PXYLP1: variants seen among roughly 807,000 people sequenced by gnomAD.
PXYLP1 encodes the protein acid phosphatase-like 2.
Under a neutral mutation model 37.9 loss-of-function variants are expected in PXYLP1, and 17 were observed. The ratio of observed to expected loss-of-function variants is 0.45; its 90% CI spans 0.31 to 0.67. The LOEUF is 0.67. Among genes scored for constraint, PXYLP1 ranks in the 30% least tolerant of loss-of-function variants. The pLI, the probability that PXYLP1 is intolerant of heterozygous loss-of-function variation, is 0.07. For missense variants in PXYLP1, 511 were observed against 612.0 expected (o/e 0.84, Z 1.74); for synonymous variants, 221 against 232.2 (o/e 0.95, Z 0.44).
chr3:141,288,376 G>T (rs1942124778), intron 5 of PXYLP1, among the ~76,000 whole-genome samples: 1 of 152,174 alleles, frequency 6.6e-6, no homozygotes, highest in African/African-American at 2.4e-5. Context: ...CTTAGGTTTT[G>T]CCATTATTAT....
chr3:141,277,579 G>A (rs1352020956), intron 2 of PXYLP1, among the ~76,000 whole-genome samples: 3 of 152,208 alleles, frequency 2.0e-5, no homozygotes, highest in African/African-American at 7.2e-5. Context: ...AGGAAAGGGA[G>A]TCCAGTTGCC....
At chr3:141,235,216 C>G (rs1355182405) in intron 1 of PXYLP1, 2 of 152,178 alleles carry the variant, frequency 1.3e-5, no homozygotes, top group East Asian at 3.8e-4. Context: ...TTTGCTGGGC[C>G]CATCATTCTG....
chr3:141,286,782 T>A (rs1942084172), intron 4 of PXYLP1, among the ~76,000 whole-genome samples: 1 of 152,168 alleles, frequency 6.6e-6, no homozygotes, highest in Non-Finnish European at 1.5e-5. Flanking sequence ...AGGGGCATGC[T>A]TAATCAGCAA....
chr3:141,240,325 C>T (rs1022594865), intron 1 of PXYLP1, among the ~76,000 whole-genome samples: 1 of 152,182 alleles, frequency 6.6e-6, no homozygotes, highest in African/African-American at 2.4e-5. Context: ...ATATGGTAGG[C>T]ATTCACTTTT....
chr3:141,233,463 CAAAAAAAA>C (rs5853024), intron 1 of PXYLP1, among the ~76,000 whole-genome samples: 62 of 79,392 alleles, frequency 7.8e-4, no homozygotes, highest in African/African-American at 2.8e-3. Context: ...AAAACCCTGT[CAAAAAAAA>C]AAAAAAAAAA....
intron 2 of PXYLP1, among the ~76,000 whole-genome samples, chr3:141,268,200 AGAGAGAGT>A (rs1239638097): frequency 9.5e-3 from 310 of 32,786 alleles, no homozygotes; most frequent in South Asian, 0.091. Context: ...AGAGAGAGAG[AGAGAGAGT>A]GTGTGTGTGT....
chr3:141,294,591 C>T lies in PXYLP1; in HGVS notation c.*1386C>T, dbSNP rs1418671136. 6.6e-6 allele frequency: 1 copy of T among 152,148 alleles called. No homozygotes were observed. Among genetic ancestry groups the T allele is most frequent in the African/African-American group, 2.4e-5 (1 of 41,442 alleles). 9.4% of individuals were successfully genotyped at this position (152,148 alleles called of 1,614,324 possible). A position where few individuals can be genotyped will look rare whatever the true frequency, so the allele number is the denominator to read the frequency against. ...TTCTCTTTGTTTTTGTCCAGTGTTGCATTTGAATATGTCTGTTTCTATAAA... is the reference window on the plus strand; with the variant it reads ...TTCTCTTTGTTTTTGTCCAGTGTTGTATTTGAATATGTCTGTTTCTATAAA... On this transcript the variant is annotated 3_prime_UTR_variant, in exon 6 of 6. Coordinates refer to ENST00000286353, the MANE Select transcript of PXYLP1 (RefSeq NM_001037172.3).
At chr3:141,252,396 A>G (rs555405536) in intron 1 of PXYLP1, among the ~76,000 whole-genome samples, 3 of 152,178 alleles carry the variant, frequency 2.0e-5, no homozygotes, top group Non-Finnish European at 2.9e-5. Flanking sequence ...TAGTGCCAAC[A>G]TCTGCTTCTG....
intron 1 of PXYLP1, among the ~76,000 whole-genome samples, chr3:141,251,507 C>T (rs1208814475): frequency 6.6e-6 from 1 of 152,158 alleles, no homozygotes; most frequent in African/African-American, 2.4e-5. Flanking sequence ...GCTGGATGGT[C>T]ATGTATCCAG....
chr3:141,284,665 T>C (rs1942031213), intron 4 of PXYLP1, among the ~76,000 whole-genome samples: 1 of 152,210 alleles, frequency 6.6e-6, no homozygotes, highest in Non-Finnish European at 1.5e-5. Context: ...ACATCATCTC[T>C]AGATTACTTA....
chr3:141,277,062 A>G (rs73232956), intron 2 of PXYLP1, among the ~76,000 whole-genome samples: 5,239 of 152,102 alleles, frequency 0.034, 151 homozygotes, highest in South Asian at 0.1. Flanking sequence ...AGGGTCTCTT[A>G]TGGACTTTGG....
At chr3:141,265,836 G>T (rs1295151540) in intron 2 of PXYLP1, among the ~76,000 whole-genome samples, 3 of 152,216 alleles carry the variant, frequency 2.0e-5, no homozygotes, top group Non-Finnish European at 4.4e-5. Context: ...AGGGCTGGTG[G>T]CTCCCTGGGT....
chr3:141,272,522 T>C (rs1941688030), intron 2 of PXYLP1: 2 of 152,330 alleles, frequency 1.3e-5, no homozygotes, highest in South Asian at 4.1e-4. Flanking sequence ...CTTAAAGCTG[T>C]TATTGACCAC....
chr3:141,270,569 C>T (rs890371975), intron 2 of PXYLP1, among the ~76,000 whole-genome samples: 29 of 152,144 alleles, frequency 1.9e-4, no homozygotes, highest in African/African-American at 6.5e-4. Flanking sequence ...CTTGGCAGAC[C>T]AGTGAAGGAG....
rs1419853268 is a variant in PXYLP1 at position 141,257,921 on chromosome 3, AAAAAAGAG to A, written c.-53-2200_-53-2193del. ...CTCTGTCTCAAAAAAAAAAAAAAAA[AAAAAAGAG>A]AGAGAGAGAGAAAGAAAGAAGAAAA... On this transcript the variant is annotated intron_variant, in intron 1 of 5. Coordinates refer to ENST00000286353, the MANE Select transcript of PXYLP1 (RefSeq NM_001037172.3). Among the ~76,000 whole-genome samples, 73 of 148,880 alleles carry A rather than the reference AAAAAAGAG, an allele frequency of 4.9e-4. 1 individual carries two copies. The highest frequency in any genetic ancestry group is 1.7e-3 in the African/African-American group (65 of 38,816).
At chr3:141,287,194 T>C (rs902676391) in intron 4 of PXYLP1, 120 bp from the exon 5 acceptor site, 2 of 986,794 alleles carry the variant, frequency 2.0e-6, no homozygotes, top group African/African-American at 3.2e-5. Context: ...ATTGAGCCGG[T>C]ACCTGTTACT....
intron 2 of PXYLP1, chr3:141,262,636 C>T: frequency 6.7e-7 from 1 of 1,496,974 alleles, no homozygotes; most frequent in Non-Finnish European, 8.8e-7. Context: ...GGTAAATTAG[C>T]CTGTCTGGGT....
At chr3:141,268,599 C>T (rs1941589281) in intron 2 of PXYLP1, among the ~76,000 whole-genome samples, 1 of 152,168 alleles carries the variant, frequency 6.6e-6, no homozygotes, top group Admixed American at 6.5e-5. Context: ...CTGTTATGTA[C>T]CAGCAGCCCC....
At chr3:141,260,568 T>TA (rs1449171123) in intron 2 of PXYLP1, among the ~76,000 whole-genome samples, 64 of 152,334 alleles carry the variant, frequency 4.2e-4, no homozygotes, top group African/African-American at 1.5e-3. Flanking sequence ...CAGAGGTGTT[T>TA]AGCCCTTTGA....
Sources: gnomAD v4.1 joint callset for allele counts (sites outside exome capture counted in the v4.1 genomes callset) on GRCh38, gnomAD v4.1.1 for gene constraint, MANE v1.5 for transcripts, NCBI Gene and HGNC (gene_info 2026-07-23, HGNC 2026-07-21) for gene names.